The following KCNMA1 variants were observed in gnomAD, a reference collection of about 807,000 sequenced individuals.
KCNMA1 encodes the protein Calcium-activated potassium channel subunit alpha-1.
Under a neutral mutation model 140.0 loss-of-function variants are expected in KCNMA1, and 29 were observed. The observed-to-expected ratio is 0.21, with a 90% CI of 0.15 to 0.28. The LOEUF (loss-of-function observed/expected upper bound fraction) is 0.28. KCNMA1 is among the 10% of genes least tolerant of loss of function. The pLI is 1.00. For missense variants in KCNMA1, 880 were observed against 1,602.2 expected, an observed-to-expected ratio of 0.55 and a Z score of 7.70; for synonymous variants, 612 against 611.9, an observed-to-expected ratio of 1.00 and a Z score of 0.00.
intron 1 of KCNMA1, among the ~76,000 whole-genome samples, chr10:77,561,719 T>C (rs2066462413): frequency 1.3e-5 from 2 of 152,200 alleles, no homozygotes; most frequent in Admixed American, 6.5e-5. Flanking sequence ...CCTCCTGCTA[T>C]GCTGGAAACT....
chr10:76,989,816 A>AG (rs2082260022), intron 19 of KCNMA1, among the ~76,000 whole-genome samples: 1 of 151,634 alleles, frequency 6.6e-6, no homozygotes, highest in South Asian at 2.1e-4. Flanking sequence ...TTTGAAAAAA[A>AG]AAAAAGCACT....
intron 25 of KCNMA1, among the ~76,000 whole-genome samples, chr10:76,892,717 C>A (rs138952765): frequency 1.3e-5 from 2 of 152,168 alleles, no homozygotes; most frequent in East Asian, 3.9e-4. Context: ...AAGTTCCCAT[C>A]CCAGGTTTGC....
At position 77,209,904 on chromosome 10, in the gene KCNMA1, G is replaced by C. The variant is rs1565229671; in HGVS notation, c.603-24988C>G. The stretch of plus-strand genomic sequence containing the variant: ...AATAACAAGCTCTGAAATGGAATCA[G>C]TAATTTAAAAAAAACCTACCAACCA... On this transcript the variant is annotated intron_variant, in intron 3 of 27. Transcript: ENST00000286628. Among the ~76,000 whole-genome samples the C allele has an allele frequency of 2.8e-5, 4 of 144,632 alleles. No homozygotes were observed. In the Admixed American group the frequency reaches 2.8e-4, roughly 10 times the overall value. 94.9% of individuals were successfully genotyped at this position (144,632 alleles called of 152,430 possible).
chr10:77,024,582 T>C (rs1208225094), intron 16 of KCNMA1, among the ~76,000 whole-genome samples: 1 of 152,134 alleles, frequency 6.6e-6, no homozygotes, highest in Non-Finnish European at 1.5e-5. Flanking sequence ...TTAAATGCCA[T>C]TGATGATGAT....
intron 19 of KCNMA1, chr10:76,995,465 T>G (rs1383634182): frequency 4.6e-6 from 2 of 430,956 alleles, no homozygotes; most frequent in African/African-American, 4.1e-5. Flanking sequence ...AATTCAAACC[T>G]CTGCTTGTTC....
intron 23 of KCNMA1, among the ~76,000 whole-genome samples, chr10:76,918,418 A>G (rs140297002): frequency 8.1e-4 from 123 of 152,322 alleles, no homozygotes; most frequent in African/African-American, 2.8e-3. Flanking sequence ...TACCCATAGC[A>G]CTTTGTTGAT....
intron 1 of KCNMA1, among the ~76,000 whole-genome samples, chr10:77,470,817 G>C (rs1156273109): frequency 1.3e-5 from 2 of 152,092 alleles, no homozygotes; most frequent in Non-Finnish European, 2.9e-5. Context: ...ACAATTTCTA[G>C]GCATTTGTTT....
chr10:77,229,474 T>C (rs1184904545), intron 3 of KCNMA1, among the ~76,000 whole-genome samples: 2 of 152,232 alleles, frequency 1.3e-5, no homozygotes, highest in Non-Finnish European at 1.5e-5. Context: ...AGAGCATTTG[T>C]TCAGCCTACT....
At chr10:77,005,860 G>C (rs2088357053) in intron 18 of KCNMA1, among the ~76,000 whole-genome samples, 1 of 152,166 alleles carries the variant, frequency 6.6e-6, no homozygotes. Flanking sequence ...TTACTCTTGA[G>C]TGTTTAAAAC....
chr10:77,352,224 G>A (rs147091471), intron 2 of KCNMA1, among the ~76,000 whole-genome samples: 1 of 152,338 alleles, frequency 6.6e-6, no homozygotes, highest in East Asian at 1.9e-4. Flanking sequence ...GCATGCTGGT[G>A]TTGGGTCAGA....
At chr10:77,554,597 C>CAAAAAAAAAAAAAAAAAA (rs59754706) in intron 1 of KCNMA1, among the ~76,000 whole-genome samples, 9 of 84,060 alleles carry the variant, frequency 1.1e-4, no homozygotes, top group Admixed American at 1.4e-4. Context: ...TACTCCATCT[C>CAAAAAAAAAAAAAAAAAA]AAAAAAAAAA....
At chr10:77,146,619 T>C (rs992755163) in intron 5 of KCNMA1, among the ~76,000 whole-genome samples, 1 of 141,852 alleles carries the variant, frequency 7.0e-6, no homozygotes, top group African/African-American at 2.6e-5. Flanking sequence ...GGAGAATCAC[T>C]TGAACCCAGG....
At chr10:77,288,315 G>A (rs1162316082) in intron 2 of KCNMA1, among the ~76,000 whole-genome samples, 1 of 152,178 alleles carries the variant, frequency 6.6e-6, no homozygotes, top group Non-Finnish European at 1.5e-5. Flanking sequence ...GAGATTAAGG[G>A]TCCAGGGACA....
intron 25 of KCNMA1, among the ~76,000 whole-genome samples, chr10:76,908,797 A>G (rs1412880332): frequency 1.3e-5 from 2 of 152,242 alleles, no homozygotes; most frequent in Non-Finnish European, 2.9e-5. Context: ...TCACAAATTG[A>G]GAATTTGAGA....
intron 2 of KCNMA1, among the ~76,000 whole-genome samples, chr10:77,372,259 A>G (rs2094786026): frequency 1.3e-5 from 2 of 152,326 alleles, no homozygotes; most frequent in African/African-American, 4.8e-5. Context: ...CAAAAGGACT[A>G]GAATTTGTTT....
chr10:77,009,716 A>G (rs2090229136), intron 18 of KCNMA1, among the ~76,000 whole-genome samples: 1 of 151,980 alleles, frequency 6.6e-6, no homozygotes, highest in African/African-American at 2.4e-5. Flanking sequence ...CCATCCTTCA[A>G]ACACCACAAA....
chr10:77,372,786 C>T (rs2094829710), intron 2 of KCNMA1: 1 of 152,126 alleles, frequency 6.6e-6, no homozygotes, highest in Non-Finnish European at 1.5e-5. Flanking sequence ...CTGCATGCAG[C>T]AGAGAGATGG....
chr10:77,170,383 G>A (rs377115806), intron 5 of KCNMA1, among the ~76,000 whole-genome samples: 2 of 152,076 alleles, frequency 1.3e-5, no homozygotes, highest in Admixed American at 6.5e-5. Flanking sequence ...GACCCTAAGA[G>A]AGCCCTTCCC....
intron 1 of KCNMA1, among the ~76,000 whole-genome samples, chr10:77,571,267 TG>T (rs1173263695): frequency 6.6e-6 from 1 of 152,236 alleles, no homozygotes; most frequent in Non-Finnish European, 1.5e-5. Flanking sequence ...TTTTGGATTT[TG>T]AGAGTGAAAG....
Sources: allele counts gnomAD v4.1 joint callset (sites outside exome capture counted in the v4.1 genomes callset), GRCh38; gene constraint gnomAD v4.1.1; transcripts MANE v1.5; gene names NCBI Gene and HGNC (gene_info 2026-07-23, HGNC 2026-07-21).